NTAN1: variants seen among roughly 807,000 people sequenced by gnomAD.
The protein encoded by NTAN1 is N-terminal asparagine amidase, also known as protein N-terminal asparagine amidohydrolase.
Under a neutral mutation model 41.9 loss-of-function variants are expected in NTAN1, and 32 were observed. The observed-to-expected ratio is 0.76, with a 90% CI of 0.58 to 1.03. The LOEUF (loss-of-function observed/expected upper bound fraction) is 1.03, where lower values mean the gene tolerates loss of function less well. Ranked by LOEUF, NTAN1 falls within the 50% of genes least tolerant of loss-of-function variation. NTAN1 has a pLI of 0.00. For missense variants in NTAN1, 377 were observed against 377.5 expected (o/e 1.00, Z 0.01); for synonymous variants, 140 against 139.5 (o/e 1.00, Z -0.03).
intron 8 of NTAN1, 41 bp from the exon 9 acceptor site, chr16:15,038,728 A>AC (rs1417715380): frequency 8.6e-7 from 1 of 1,159,734 alleles, no homozygotes; most frequent in Non-Finnish European, 1.3e-6. Flanking sequence ...CAGGAATGTC[A>AC]CCCACTTTTC....
At chr16:15,041,027 G>C (rs1171566258) in intron 7 of NTAN1, 41 bp downstream of exon 7, 2 of 1,384,676 alleles carry the variant, frequency 1.4e-6, no homozygotes, top group South Asian at 2.3e-5. Flanking sequence ...AACTGCACAT[G>C]TGACCAAGAC....
At chr16:15,044,996 T>C (rs12920234) in intron 4 of NTAN1, 47,698 of 152,274 alleles carry the variant, frequency 0.31, 7,951 homozygotes, top group Admixed American at 0.45. Context: ...TTATGGCATG[T>C]GCCTGTAGTC....
chr16:15,042,213 T>C (rs1436157743), intron 5 of NTAN1, among the ~76,000 whole-genome samples: 2 of 145,620 alleles, frequency 1.4e-5, no homozygotes, highest in African/African-American at 5.1e-5. Context: ...TGAGATGGAG[T>C]CTTGCTCTGT....
In NTAN1 at chr16:15,048,775, C is replaced by T. The variant is rs137909102; in HGVS notation, c.82-676G>A. On this transcript the variant is annotated intron_variant, in intron 1 of 9. Transcript: ENST00000287706. Reference sequence around the variant, plus strand: ...AATAGCTGGGACTACAGGCTTGCACCACCACACCTGGCTGAGTTTTATACT... The same window carrying T: ...AATAGCTGGGACTACAGGCTTGCACTACCACACCTGGCTGAGTTTTATACT... Among the ~76,000 whole-genome samples the T allele has an allele frequency of 1.6e-3, 239 of 152,240 alleles. 1 individual carries two copies. The highest frequency in any genetic ancestry group is 5.6e-3 in the African/African-American group (233 of 41,538).
At chr16:15,052,349 A>G (rs1048271658) in intron 1 of NTAN1, among the ~76,000 whole-genome samples, 4 of 152,242 alleles carry the variant, frequency 2.6e-5, no homozygotes, top group Non-Finnish European at 5.9e-5. Context: ...TTCTTGGCCT[A>G]TAGGCTATAC....
rs3803574 is a variant in NTAN1, at chr16:15,044,588, T to C, written c.360-181A>G. On this transcript the variant is annotated intron_variant, in intron 4 of 9. Transcript: ENST00000287706. ...ACACTGCCAAGGCCAGTGGCGAGCT[T>C]CTGGGGACCCTGCCCAGGGGCCCTG... The C allele has an allele frequency of 8.8e-3, 5,315 of 602,742 alleles. 194 individuals carry two copies. The East Asian group carries it at 0.091, about 10-fold the overall frequency. 37.3% of individuals were successfully genotyped at this position (602,742 alleles called of 1,614,324 possible).
intron 1 of NTAN1, among the ~76,000 whole-genome samples, chr16:15,050,337 T>G (rs1306029909): frequency 6.6e-6 from 1 of 152,214 alleles, no homozygotes; most frequent in Non-Finnish European, 1.5e-5. Context: ...AACGTATGTA[T>G]GTATTGCCTA....
intron 1 of NTAN1, among the ~76,000 whole-genome samples, chr16:15,054,677 C>T (rs1333568320): frequency 2.0e-5 from 3 of 152,184 alleles, no homozygotes; most frequent in Admixed American, 2.0e-4. Flanking sequence ...CCCTTCAGAA[C>T]ACGTTCAGGG....
intron 1 of NTAN1, among the ~76,000 whole-genome samples, chr16:15,054,397 C>A (rs1044545501): frequency 6.6e-6 from 1 of 152,172 alleles, no homozygotes; most frequent in Non-Finnish European, 1.5e-5. Flanking sequence ...GCCCGGGACA[C>A]CCATCTAACT....
At chr16:15,038,272 G>T in intron 9 of NTAN1, 62 bp from the exon 10 acceptor site, 1 of 1,169,510 alleles carries the variant, frequency 8.6e-7, no homozygotes, top group South Asian at 1.4e-5. Flanking sequence ...CTGTGATAAA[G>T]ATGTCAAAGT....
intron 1 of NTAN1, among the ~76,000 whole-genome samples, chr16:15,055,427 C>G (rs564309187): frequency 1.3e-5 from 2 of 152,194 alleles, no homozygotes; most frequent in Non-Finnish European, 2.9e-5. Context: ...CCGCCAAGAT[C>G]CCCCAGGCCA....
chr16:15,039,422 C>G (rs545584215), intron 8 of NTAN1, among the ~76,000 whole-genome samples: 1 of 152,154 alleles, frequency 6.6e-6, no homozygotes, highest in African/African-American at 2.4e-5. Flanking sequence ...TTAAAGAATT[C>G]TTTCACCCAT....
chr16:15,042,404 G>A (rs550016173), intron 5 of NTAN1, among the ~76,000 whole-genome samples: 3 of 152,106 alleles, frequency 2.0e-5, no homozygotes, highest in African/African-American at 7.2e-5. Flanking sequence ...TGGCCAGGCT[G>A]GTCTCGAACT....
rs1427361235 is a variant in NTAN1, at chr16:15,056,060, C to A, written c.-89G>T. 1.7e-5 allele frequency: 8 copies of A among 478,578 alleles called. No individual in the cohort carries two copies. The highest frequency in any genetic ancestry group is 2.3e-5 in the Non-Finnish European group (8 of 355,556). 29.6% of individuals were successfully genotyped at this position (478,578 alleles called of 1,614,324 possible). On this transcript the variant is annotated 5_prime_UTR_variant, in exon 1 of 10. Coordinates refer to ENST00000287706, the MANE Select transcript of NTAN1 (RefSeq NM_173474.4). Reference sequence around the variant, plus strand: ...CGCCCGCCGCCCCCGCCCCTCGGGCCGCGCGTCCCGCCTCGTCCTGCCCCG... The same window carrying A: ...CGCCCGCCGCCCCCGCCCCTCGGGCAGCGCGTCCCGCCTCGTCCTGCCCCG...
chr16:15,055,558 C>A (rs2044476043), intron 1 of NTAN1, among the ~76,000 whole-genome samples: 3 of 152,224 alleles, frequency 2.0e-5, no homozygotes, highest in Non-Finnish European at 4.4e-5. Flanking sequence ...CTAAACGGAC[C>A]CAGCCCTATG....
At chr16:15,046,732 G>A (rs2044083699) in intron 4 of NTAN1, among the ~76,000 whole-genome samples, 1 of 150,466 alleles carries the variant, frequency 6.6e-6, no homozygotes, top group East Asian at 2.0e-4. Context: ...AAAGCTAGCT[G>A]GGTATGGTGG....
chr16:15,039,477 T>C (rs1049697407), intron 8 of NTAN1, among the ~76,000 whole-genome samples: 19 of 152,228 alleles, frequency 1.2e-4, no homozygotes, highest in African/African-American at 4.3e-4. Context: ...TTTCTAACTT[T>C]TAAAATTACA....
chr16:15,046,294 G>C (rs973410799), intron 4 of NTAN1, among the ~76,000 whole-genome samples: 1 of 152,144 alleles, frequency 6.6e-6, no homozygotes, highest in South Asian at 2.1e-4. Flanking sequence ...TTAAGCCTTC[G>C]TATATGATGG....
chr16:15,044,509 T>G, intron 4 of NTAN1, 102 bp from the exon 5 acceptor site: 1 of 790,386 alleles, frequency 1.3e-6, no homozygotes, highest in Non-Finnish European at 2.2e-6. Context: ...ACACTTGCTC[T>G]ACAGCAGAGC....
Sources: gnomAD v4.1 joint callset for allele counts (sites outside exome capture counted in the v4.1 genomes callset) on GRCh38, gnomAD v4.1.1 for gene constraint, MANE v1.5 for transcripts, NCBI Gene and HGNC (gene_info 2026-07-23, HGNC 2026-07-21) for gene names.